Variants in BICDL1 observed in about 807,000 individuals in gnomAD.
BICDL1 encodes the protein BICD family-like cargo adapter 1.
Under a neutral mutation model 76.8 loss-of-function variants are expected in BICDL1, and 20 were observed. The observed-to-expected ratio is 0.26, with a 90% CI of 0.18 to 0.38. The LOEUF (loss-of-function observed/expected upper bound fraction) is 0.38. Ranked by LOEUF, BICDL1 falls within the 10% of genes least tolerant of loss-of-function variation. The probability of loss-of-function intolerance (pLI) is 1.00; values close to 1 mark genes in which losing one functional copy is unlikely to be tolerated. For missense variants in BICDL1, 700 were observed against 798.6 expected (o/e 0.88, Z 1.49); for synonymous variants, 383 against 337.1 (o/e 1.14, Z -1.49).
intron 2 of BICDL1, among the ~76,000 whole-genome samples, chr12:120,011,882 C>A (rs1480835206): frequency 6.6e-6 from 1 of 152,180 alleles, no homozygotes; most frequent in Non-Finnish European, 1.5e-5. Flanking sequence ...AGCCCATGTT[C>A]TGTCACTAAT....
Position 120,072,687 on chromosome 12 carries a change from C to G in BICDL1, c.1266C>G (p.Leu422=), listed in dbSNP as rs369475993. 3 of 1,613,824 alleles carry G rather than the reference C, an allele frequency of 1.9e-6. No individual in the cohort carries two copies. In the Admixed American group the frequency reaches 5.0e-5, roughly 27 times the overall value. Residue 422 remains leucine, a synonymous_variant, in exon 6 of 10, where the codon CTC becomes CTG. Transcript: ENST00000548673. ...GCTTGCGCACTGCCCTCAATGAGCT[C>G]AAGAGACTGATACAGAGCATTGTGG... The part of the protein sequence containing the change: ...AGSLRTALNE[L]KRLIQSIVDG...
chr12:120,057,035 A>G (rs916739617), intron 2 of BICDL1: 7 of 514,470 alleles, frequency 1.4e-5, no homozygotes, highest in African/African-American at 1.2e-4. Context: ...GGTAACAGCA[A>G]TGGATGCCTT....
chr12:120,061,123 G>T (rs952605545), intron 2 of BICDL1, among the ~76,000 whole-genome samples: 1 of 152,162 alleles, frequency 6.6e-6, no homozygotes, highest in Non-Finnish European at 1.5e-5. Flanking sequence ...GATCATAAAT[G>T]GATTGAGGTG....
rs369208985 is a variant in BICDL1, at chr12:120,090,781, C to T, written c.1704+710C>T. 262 of 800,248 alleles carry T rather than the reference C, an allele frequency of 3.3e-4. 2 individuals carry two copies. The South Asian group carries it at 3.4e-3, about 10-fold the overall frequency. The allele number at this position is 800,248 out of a possible 1,614,324, so 49.6% of individuals were successfully genotyped here. On this transcript the variant is annotated intron_variant, in intron 9 of 9. Coordinates refer to ENST00000548673, the MANE Select transcript of BICDL1 (RefSeq NM_001367886.1). ...GTTGGTGACCATTCCTCCCAGGGCCCCATGGGGCTGGCAGCCAGAACACTG... is the reference window on the plus strand; with the variant it reads ...GTTGGTGACCATTCCTCCCAGGGCCTCATGGGGCTGGCAGCCAGAACACTG...
At chr12:120,081,073 A>C in intron 8 of BICDL1, 56 bp downstream of exon 8, 3 of 1,553,018 alleles carry the variant, frequency 1.9e-6, no homozygotes, top group Non-Finnish European at 2.6e-6. Context: ...TATAGAATTG[A>C]GCATATGCTC....
chr12:120,016,990 T>G (rs1258215915), intron 2 of BICDL1, among the ~76,000 whole-genome samples: 1 of 152,170 alleles, frequency 6.6e-6, no homozygotes, highest in Admixed American at 6.5e-5. Flanking sequence ...CCTCCCGGGT[T>G]CATGCCATTC....
rs1426084976 is a variant in BICDL1 at position 120,093,384 on chromosome 12, CCAAGCCCACGCCTGGG to C, written c.*225_*240del. Reference sequence around the variant, plus strand: ...AGGCTTCCCTTGGCCCACCGCCTGGCCAAGCCCACGCCTGGGCTTCTCCAGGACCACGTGCTTGAGC... The same window carrying C: ...AGGCTTCCCTTGGCCCACCGCCTGGCCTTCTCCAGGACCACGTGCTTGAGC... On this transcript the variant is annotated 3_prime_UTR_variant, in exon 10 of 10. Coordinates refer to ENST00000548673, the MANE Select transcript of BICDL1 (RefSeq NM_001367886.1). The C allele has an allele frequency of 1.6e-5, 9 of 571,912 alleles. No homozygotes were observed. Among genetic ancestry groups the C allele is most frequent in the Non-Finnish European group, 2.8e-5 (9 of 325,574 alleles). The allele number at this position is 571,912 out of a possible 1,614,324, so 35.4% of individuals were successfully genotyped here. A position where few individuals can be genotyped will look rare whatever the true frequency, so the allele number is the denominator to read the frequency against.
chr12:120,040,751 C>CTTTTTTTTTTTTTTTTTT (rs57089775), intron 2 of BICDL1, among the ~76,000 whole-genome samples: 1 of 134,312 alleles, frequency 7.4e-6, no homozygotes, highest in African/African-American at 3.1e-5. Context: ...ATAGGAAATA[C>CTTTTTTTTTTTTTTTTTT]TTTTTTTTTT....
chr12:120,083,416 A>C (rs1874145239), intron 8 of BICDL1, among the ~76,000 whole-genome samples: 6 of 151,282 alleles, frequency 4.0e-5, no homozygotes, highest in Admixed American at 4.0e-4. Context: ...ACGCCACCAC[A>C]CCTGGCTAGT....
intron 2 of BICDL1, among the ~76,000 whole-genome samples, chr12:120,049,828 G>A (rs1268922701): frequency 6.6e-6 from 1 of 152,146 alleles, no homozygotes; most frequent in Non-Finnish European, 1.5e-5. Flanking sequence ...TTTCTCTTCA[G>A]TTGTCACATG....
At chr12:120,049,840 G>T (rs929305524) in intron 2 of BICDL1, among the ~76,000 whole-genome samples, 1 of 152,156 alleles carries the variant, frequency 6.6e-6, no homozygotes, top group Non-Finnish European at 1.5e-5. Flanking sequence ...TGTCACATGT[G>T]TTCTTAAACT....
Position 120,063,628 on chromosome 12 carries a change from A to T in BICDL1, c.763-1105A>T, listed in dbSNP as rs570234266. 2.6e-5 allele frequency among the ~76,000 whole-genome samples: 4 copies of T among 152,356 alleles called. No homozygotes were observed. The East Asian group carries it at 7.7e-4, about 29-fold the overall frequency. ...CAAGTAAAAGCCTTAAGGAATTGTTATCAAAGCTGGACTAGAGAGCTTGGA... is the reference window on the plus strand; with the variant it reads ...CAAGTAAAAGCCTTAAGGAATTGTTTTCAAAGCTGGACTAGAGAGCTTGGA... On this transcript the variant is annotated intron_variant, in intron 3 of 9. Coordinates refer to ENST00000548673, the MANE Select transcript of BICDL1 (RefSeq NM_001367886.1).
intron 2 of BICDL1, among the ~76,000 whole-genome samples, chr12:120,048,078 TC>T (rs1952782861): frequency 6.6e-6 from 1 of 152,182 alleles, no homozygotes; most frequent in Non-Finnish European, 1.5e-5. Context: ...TATATCACTC[TC>T]CCCAGCCTCA....
intron 2 of BICDL1, among the ~76,000 whole-genome samples, chr12:120,042,385 A>G (rs1952659827): frequency 6.6e-6 from 1 of 152,174 alleles, no homozygotes; most frequent in African/African-American, 2.4e-5. Flanking sequence ...TCTCCTGAGA[A>G]GGGAAGAGTC....
intron 2 of BICDL1, among the ~76,000 whole-genome samples, chr12:120,026,484 T>C (rs1414324621): frequency 6.6e-6 from 1 of 152,114 alleles, no homozygotes; most frequent in African/African-American, 2.4e-5. Flanking sequence ...AGAAGCTAGG[T>C]AGATAAGAAC....
In BICDL1 at chr12:120,043,644, A is replaced by G. The variant is rs1216666331; in HGVS notation, c.646-18066A>G. On this transcript the variant is annotated intron_variant, in intron 2 of 9. Transcript: ENST00000548673. ...CCCTTTCCTGTGGATGGGCTATGTAAATCAAAGGGAATTATCTCATTAATT... is the reference window on the plus strand; with the variant it reads ...CCCTTTCCTGTGGATGGGCTATGTAGATCAAAGGGAATTATCTCATTAATT... Among the ~76,000 whole-genome samples, 3 of 152,330 alleles carry G rather than the reference A, an allele frequency of 2.0e-5. No homozygotes were observed. The East Asian group carries it at 5.8e-4, about 29-fold the overall frequency.
Position 119,998,506 on chromosome 12 carries a change from TC to T in BICDL1, c.430-14del. The T allele has an allele frequency of 6.3e-7, 1 of 1,581,270 alleles. No homozygotes were observed. Among genetic ancestry groups the T allele is most frequent in the Non-Finnish European group, 8.6e-7 (1 of 1,166,092 alleles). On this transcript the variant is annotated splice_polypyrimidine_tract_variant and intron_variant, in intron 1 of 9. Coordinates refer to ENST00000548673, the MANE Select transcript of BICDL1 (RefSeq NM_001367886.1). The stretch of plus-strand genomic sequence containing the variant: ...AATTTTTATCAGTGTTTAAATCCCT[TC>T]ACTTTTCACCCAGCACTTAGAGCAA...
intron 8 of BICDL1, among the ~76,000 whole-genome samples, chr12:120,086,063 C>T (rs1407405705): frequency 6.6e-6 from 1 of 151,208 alleles, no homozygotes; most frequent in Admixed American, 6.6e-5. Flanking sequence ...CTACATGAAA[C>T]CTTGTAATGC....
rs1336973110 is a variant in BICDL1 at position 119,996,046 on chromosome 12, A to G, written c.430-2475A>G. 2.0e-5 allele frequency among the ~76,000 whole-genome samples: 3 copies of G among 152,148 alleles called. No individual in the cohort carries two copies. The East Asian group carries it at 5.8e-4, about 29-fold the overall frequency. On this transcript the variant is annotated intron_variant, in intron 1 of 9. Coordinates refer to ENST00000548673, the MANE Select transcript of BICDL1 (RefSeq NM_001367886.1). ...AGCAATACAAGGGATGCATAGAGCA[A>G]AAAATTCTCATACTGATGAGAAGGC...
Sources: allele counts gnomAD v4.1 joint callset (sites outside exome capture counted in the v4.1 genomes callset), GRCh38; gene constraint gnomAD v4.1.1; transcripts MANE v1.5; gene names NCBI Gene and HGNC (gene_info 2026-07-23, HGNC 2026-07-21).